The following CCDC178 variants were observed in gnomAD, a reference collection of about 807,000 sequenced individuals.
The protein encoded by CCDC178 is coiled-coil domain containing 178.
In CCDC178, 126 loss-of-function variants were observed where a neutral mutation model predicts 117.4. The observed-to-expected ratio is 1.07, with a 90% CI of 0.93 to 1.24. CCDC178 has a LOEUF of 1.24. CCDC178 is among the 50% of genes most tolerant of loss of function. CCDC178 has a pLI of 0.00. For synonymous variants in CCDC178, 283 were observed against 313.4 expected, an observed-to-expected ratio of 0.90 and a Z score of 1.02; for missense variants, 1,030 against 986.9, an observed-to-expected ratio of 1.04 and a Z score of -0.59.
intron 21 of CCDC178, among the ~76,000 whole-genome samples, chr18:33,039,069 T>G (rs551401730): frequency 6.6e-6 from 1 of 151,724 alleles, no homozygotes; most frequent in African/African-American, 2.4e-5. Flanking sequence ...ACAACAAAAA[T>G]GACCAGTTAA....
At chr18:33,129,497 C>T in intron 20 of CCDC178, among the ~76,000 whole-genome samples, 1 of 151,838 alleles carries the variant, frequency 6.6e-6, no homozygotes, top group East Asian at 1.9e-4. Flanking sequence ...CTGATAAGAT[C>T]ACATCTGTTC....
chr18:33,179,529 T>C (rs1448379882), intron 20 of CCDC178, among the ~76,000 whole-genome samples: 1 of 152,020 alleles, frequency 6.6e-6, no homozygotes, highest in Admixed American at 6.6e-5. Context: ...AACCCAAGTA[T>C]AATTTTAAAA....
At position 33,161,077 on chromosome 18, in the gene CCDC178, C is replaced by T. The variant is rs2144380982; in HGVS notation, c.2238+50819G>A. On this transcript the variant is annotated intron_variant, in intron 20 of 22. Coordinates refer to ENST00000383096, the MANE Select transcript of CCDC178 (RefSeq NM_001105528.4). The stretch of plus-strand genomic sequence containing the variant: ...TAAAAAATAGATCAACTGTTCTAGC[C>T]TTGTACATATGATTTAAAAGAGCAG... Among the ~76,000 whole-genome samples the T allele has an allele frequency of 1.3e-5, 2 of 152,006 alleles. 1 individual carries two copies. The highest frequency in any genetic ancestry group is 1.3e-4 in the Admixed American group (2 of 15,258).
chr18:33,129,124 G>A (rs1325549237), intron 20 of CCDC178, among the ~76,000 whole-genome samples: 1 of 152,072 alleles, frequency 6.6e-6, no homozygotes, highest in Non-Finnish European at 1.5e-5. Context: ...TTCTTGGAGG[G>A]TGATGATACC....
chr18:33,299,773 G>GAA (rs71159813), intron 11 of CCDC178, among the ~76,000 whole-genome samples: 2,693 of 141,214 alleles, frequency 0.019, 33 homozygotes, highest in Non-Finnish European at 0.03. Flanking sequence ...CATCTCAACA[G>GAA]AAAAAAAAAA....
At chr18:33,045,333 CAATA>C (rs1179581990) in intron 21 of CCDC178, among the ~76,000 whole-genome samples, 1 of 152,046 alleles carries the variant, frequency 6.6e-6, no homozygotes, top group East Asian at 1.9e-4. Context: ...AGTAATTAAT[CAATA>C]AATAGTTAGG....
chr18:33,371,272 T>C (rs1182980475), intron 5 of CCDC178, among the ~76,000 whole-genome samples: 2 of 141,422 alleles, frequency 1.4e-5, no homozygotes, highest in South Asian at 4.4e-4. Context: ...CTCTCTCATA[T>C]ATGTGTGTGT....
At chr18:33,036,012 A>G (rs987690555) in intron 21 of CCDC178, among the ~76,000 whole-genome samples, 7 of 151,964 alleles carry the variant, frequency 4.6e-5, no homozygotes, top group Non-Finnish European at 8.8e-5. Context: ...TTCCACAGAG[A>G]GCTATTTCTT....
intron 21 of CCDC178, among the ~76,000 whole-genome samples, chr18:32,989,767 A>G (rs188856299): frequency 6.6e-6 from 1 of 152,296 alleles, no homozygotes; most frequent in East Asian, 1.9e-4. Context: ...AGCTGTAGTT[A>G]TACAACATTA....
intron 15 of CCDC178, among the ~76,000 whole-genome samples, chr18:33,239,534 GA>G (rs1462616035): frequency 6.9e-6 from 1 of 144,766 alleles, no homozygotes; most frequent in East Asian, 2.1e-4. Context: ...CACACAAACA[GA>G]AACCAAAAGT....
intron 21 of CCDC178, among the ~76,000 whole-genome samples, chr18:33,051,527 G>C (rs2056747944): frequency 6.6e-6 from 1 of 152,194 alleles, no homozygotes; most frequent in Non-Finnish European, 1.5e-5. Context: ...GTTTTCTAGT[G>C]ACACGAAGAT....
intron 20 of CCDC178, among the ~76,000 whole-genome samples, chr18:33,107,110 T>C (rs910890569): frequency 3.3e-4 from 50 of 151,860 alleles, no homozygotes; most frequent in Middle Eastern, 3.4e-3. Context: ...AGTCAGACTT[T>C]TGACCTACAG....
chr18:33,128,561 C>A (rs1442955729), intron 20 of CCDC178, among the ~76,000 whole-genome samples: 1 of 152,108 alleles, frequency 6.6e-6, no homozygotes, highest in Non-Finnish European at 1.5e-5. Flanking sequence ...ATGAATCAAC[C>A]AAGAATCTGG....
chr18:33,362,539 A>T (rs1296591370), intron 6 of CCDC178, among the ~76,000 whole-genome samples: 1 of 151,850 alleles, frequency 6.6e-6, no homozygotes, highest in African/African-American at 2.4e-5. Flanking sequence ...TTTTTGTTAA[A>T]TAAGTAGGTA....
At chr18:33,323,169 A>AT (rs1398771390) in intron 11 of CCDC178, 7 of 162,090 alleles carry the variant, frequency 4.3e-5, no homozygotes, top group Admixed American at 6.4e-5. Flanking sequence ...CCCATGCTGG[A>AT]TTTTTTTAAA....
intron 3 of CCDC178, among the ~76,000 whole-genome samples, chr18:33,403,175 T>C (rs1184337148): frequency 6.6e-6 from 1 of 152,262 alleles, no homozygotes; most frequent in Admixed American, 6.5e-5. Context: ...GGCTGAGCTG[T>C]CAAGTCCTTG....
At chr18:33,076,122 T>G (rs1285807303) in intron 21 of CCDC178, among the ~76,000 whole-genome samples, 1 of 152,186 alleles carries the variant, frequency 6.6e-6, no homozygotes, top group Non-Finnish European at 1.5e-5. Flanking sequence ...TATAACGTAG[T>G]AAAGAATCAT....
intron 12 of CCDC178, among the ~76,000 whole-genome samples, chr18:33,273,699 C>A (rs1326717146): frequency 6.6e-6 from 1 of 151,464 alleles, no homozygotes; most frequent in Admixed American, 6.6e-5. Context: ...TACTTCATAC[C>A]ATACACAAAA....
At chr18:33,374,888 T>G (rs1246986970) in intron 5 of CCDC178, among the ~76,000 whole-genome samples, 1 of 152,200 alleles carries the variant, frequency 6.6e-6, no homozygotes, top group Non-Finnish European at 1.5e-5. Flanking sequence ...ACAAGTGGCA[T>G]AATTTCATTT....
Sources: allele counts gnomAD v4.1 joint callset (sites outside exome capture counted in the v4.1 genomes callset), GRCh38; gene constraint gnomAD v4.1.1; transcripts MANE v1.5; gene names NCBI Gene and HGNC (gene_info 2026-07-23, HGNC 2026-07-21).